Variants in JMJD1C observed in about 807,000 individuals in gnomAD.
JMJD1C encodes jumonji domain-containing protein 1C.
Under a neutral mutation model 245.3 loss-of-function variants are expected in JMJD1C, and 31 were observed. The observed-to-expected ratio is 0.13, with a 90% CI of 0.09 to 0.17. JMJD1C has a LOEUF of 0.17. Ranked by LOEUF, JMJD1C falls within the 10% of genes least tolerant of loss-of-function variation. JMJD1C has a pLI of 1.00. For synonymous variants in JMJD1C, 1,057 were observed against 1,017.4 expected (o/e 1.04, Z -0.74); for missense variants, 2,691 against 3,000.2 (o/e 0.90, Z 2.41).
chr10:63,471,338 A>G (rs1589808268), intron 1 of JMJD1C, among the ~76,000 whole-genome samples: 1 of 152,266 alleles, frequency 6.6e-6, no homozygotes, highest in East Asian at 1.9e-4. Flanking sequence ...CCAACTCAAA[A>G]TCTCTGCATG....
At chr10:63,466,001 C>T (rs1589803252), upstream of JMJD1C, 1 of 269,354 alleles carries the variant, frequency 3.7e-6, no homozygotes, top group Non-Finnish European at 7.1e-6. Flanking sequence ...CCCCGGGCAG[C>T]GGCGGCGCGC....
chr10:63,498,973 C>T (rs1163920494), intron 1 of JMJD1C, among the ~76,000 whole-genome samples: 3 of 152,170 alleles, frequency 2.0e-5, no homozygotes, highest in African/African-American at 4.8e-5. Context: ...TAAAATCATA[C>T]AGTATTTGAC....
At chr10:63,206,042 C>T (rs983601303) in intron 10 of JMJD1C, among the ~76,000 whole-genome samples, 2 of 152,144 alleles carry the variant, frequency 1.3e-5, no homozygotes, top group African/African-American at 4.8e-5. Flanking sequence ...CTGTACTATG[C>T]TATTTTATAT....
chr10:63,296,312 C>A (rs181554317), intron 2 of JMJD1C, among the ~76,000 whole-genome samples: 77 of 152,022 alleles, frequency 5.1e-4, no homozygotes, highest in African/African-American at 1.7e-3. Flanking sequence ...GCCTGGCTAT[C>A]TTGTTGATTC....
rs1488535361 is a variant in JMJD1C at position 63,222,132 on chromosome 10, AG to A, written c.448-2150del. On this transcript the variant is annotated intron_variant, in intron 3 of 25. Transcript: ENST00000399262. Reference sequence around the variant, plus strand: ...AACTTCCTTACATAGCACTTCCGCCAGGGAGGTCCCCCATCTGCAGTCATGA... The same window carrying A: ...AACTTCCTTACATAGCACTTCCGCCAGGAGGTCCCCCATCTGCAGTCATGA... 8.5e-6 allele frequency: 6 copies of A among 704,222 alleles called. No individual in the cohort carries two copies. In the African/African-American group the frequency reaches 1.0e-4, roughly 12 times the overall value. The allele number at this position is 704,222 out of a possible 1,614,324, so 43.6% of individuals were successfully genotyped here. A position where few individuals can be genotyped will look rare whatever the true frequency, so the allele number is the denominator to read the frequency against.
In JMJD1C at chr10:63,255,049, C is replaced by G. The variant is rs574751163; in HGVS notation, c.447+9602G>C. 5.9e-5 allele frequency among the ~76,000 whole-genome samples: 9 copies of G among 151,966 alleles called. 1 individual carries two copies. The South Asian group carries it at 1.7e-3, about 28-fold the overall frequency. ...TATTTTTTTGTAGACAGGGGTTCTC[C>G]CATGTTACCCAGTCTCAAATGCCTG... On this transcript the variant is annotated intron_variant, in intron 3 of 25. Transcript: ENST00000399262.
At chr10:63,415,657 A>G (rs1022643425) in intron 1 of JMJD1C, among the ~76,000 whole-genome samples, 1 of 152,224 alleles carries the variant, frequency 6.6e-6, no homozygotes, top group African/African-American at 2.4e-5. Context: ...CTAATTCAGT[A>G]TATAAACCTA....
intron 3 of JMJD1C, among the ~76,000 whole-genome samples, chr10:63,254,858 C>T (rs572094878): frequency 6.7e-6 from 1 of 148,792 alleles, no homozygotes; most frequent in African/African-American, 2.5e-5. Context: ...TAGCTCCCCC[C>T]CTTTTTTTTT....
chr10:63,381,523 C>G (rs556081344), intron 1 of JMJD1C, among the ~76,000 whole-genome samples: 1 of 152,206 alleles, frequency 6.6e-6, no homozygotes, highest in East Asian at 1.9e-4. Context: ...CAGAATGAGA[C>G]TCTGTCTATT....
intron 3 of JMJD1C, among the ~76,000 whole-genome samples, chr10:63,229,008 G>GGGCT (rs1368862684): frequency 6.6e-6 from 1 of 151,878 alleles, no homozygotes; most frequent in Non-Finnish European, 1.5e-5. Context: ...CATCTTCTCT[G>GGGCT]GGCTCTCAAG....
chr10:63,176,039 A>C (rs1402468801), intron 24 of JMJD1C, among the ~76,000 whole-genome samples: 2 of 152,188 alleles, frequency 1.3e-5, no homozygotes, highest in Non-Finnish European at 2.9e-5. Flanking sequence ...GGAGGGCTTA[A>C]AAATCAGATT....
At chr10:63,260,754 A>AAT (rs1363333003) in intron 3 of JMJD1C, among the ~76,000 whole-genome samples, 2 of 74,250 alleles carry the variant, frequency 2.7e-5, no homozygotes, top group Non-Finnish European at 8.8e-5. Flanking sequence ...CACGCCGGTT[A>AAT]ATTTTTTTTT....
chr10:63,336,967 A>G (rs1047269309), intron 2 of JMJD1C, among the ~76,000 whole-genome samples: 2 of 151,920 alleles, frequency 1.3e-5, no homozygotes, highest in African/African-American at 4.8e-5. Flanking sequence ...CAGCCTCCCA[A>G]GTAGCTGAGA....
rs1843266715 is a variant in JMJD1C, at chr10:63,179,878, C to T, written c.7085-2022G>A. ...AAACTCAGAAAGTCAAATATGTTAT[C>T]ACTTGTATAAACTTTTTAAAGAAAG... On this transcript the variant is annotated intron_variant, in intron 22 of 25. Coordinates refer to ENST00000399262, the MANE Select transcript of JMJD1C (RefSeq NM_032776.3). Among the ~76,000 whole-genome samples the T allele has an allele frequency of 2.0e-5, 3 of 152,046 alleles. No homozygotes were observed. The South Asian group carries it at 6.2e-4, about 31-fold the overall frequency.
chr10:63,351,524 G>A (rs540055375), intron 2 of JMJD1C, among the ~76,000 whole-genome samples: 79 of 152,180 alleles, frequency 5.2e-4, no homozygotes, highest in African/African-American at 1.7e-3. Context: ...AAACTGGGTC[G>A]TATGAAAAAA....
intron 1 of JMJD1C, among the ~76,000 whole-genome samples, chr10:63,400,383 A>G (rs1346066058): frequency 1.3e-5 from 2 of 152,204 alleles, no homozygotes; most frequent in African/African-American, 4.8e-5. Flanking sequence ...CCTCTCCTCT[A>G]GAGTCTCACC....
chr10:63,377,394 ATTTT>A (rs1946831274), intron 2 of JMJD1C, among the ~76,000 whole-genome samples: 1 of 152,200 alleles, frequency 6.6e-6, no homozygotes, highest in African/African-American at 2.4e-5. Flanking sequence ...AAAATGGCAA[ATTTT>A]ATGTTAAGTA....
intron 3 of JMJD1C, among the ~76,000 whole-genome samples, chr10:63,257,097 C>T (rs1186373083): frequency 3.3e-5 from 5 of 151,508 alleles, no homozygotes; most frequent in Admixed American, 1.3e-4. Flanking sequence ...ATTAGCCGGG[C>T]GTGGTGGCTC....
chr10:63,490,222 T>G (rs1954124122), intron 1 of JMJD1C, among the ~76,000 whole-genome samples: 1 of 152,082 alleles, frequency 6.6e-6, no homozygotes, highest in South Asian at 2.1e-4. Context: ...GCTGCTTCCT[T>G]TATGGGAATG....
Sources: gnomAD v4.1 joint callset for allele counts (sites outside exome capture counted in the v4.1 genomes callset) on GRCh38, gnomAD v4.1.1 for gene constraint, MANE v1.5 for transcripts, NCBI Gene and HGNC (gene_info 2026-07-23, HGNC 2026-07-21) for gene names.